Variants in BRCA1 observed in about 807,000 individuals in gnomAD.
BRCA1 encodes breast cancer type 1 susceptibility protein.
In BRCA1, 140 loss-of-function variants were observed where a neutral mutation model predicts 173.7. The ratio of observed to expected loss-of-function variants is 0.81; its 90% CI spans 0.70 to 0.93. The LOEUF (loss-of-function observed/expected upper bound fraction) is 0.93, where lower values mean the gene tolerates loss of function less well. Ranked by LOEUF, BRCA1 falls within the 40% of genes least tolerant of loss-of-function variation. The pLI, the probability that BRCA1 is intolerant of heterozygous loss-of-function variation, is 0.00. For synonymous variants in BRCA1, 662 were observed against 756.0 expected, an observed-to-expected ratio of 0.88 and a Z score of 2.04; for missense variants, 1,983 against 2,172.5, an observed-to-expected ratio of 0.91 and a Z score of 1.73.
intron 11 of BRCA1, among the ~76,000 whole-genome samples, chr17:43,084,654 C>T (rs1355022928): frequency 6.6e-6 from 1 of 152,146 alleles, no homozygotes; most frequent in African/African-American, 2.4e-5. Context: ...TCACAATTTT[C>T]AGGAGGTTTT....
rs1466721291 is a variant in BRCA1 at position 43,067,726 on chromosome 17, G to C, written c.4987-31C>G. On this transcript the variant is annotated intron_variant, in intron 15 of 22. Transcript: ENST00000357654. ...ATTAAATCAAATATTCCATTATCAT[G>C]AGTTACCTCTAGCACACAGCTCAGA... 1 of 1,540,108 alleles carries C rather than the reference G, an allele frequency of 6.5e-7. No individual in the cohort carries two copies. Among genetic ancestry groups the C allele is most frequent in the Non-Finnish European group, 9.0e-7 (1 of 1,113,992 alleles).
intron 3 of BRCA1, 134 bp downstream of exon 3, chr17:43,115,592 A>C: frequency 1.2e-6 from 1 of 839,154 alleles, no homozygotes; most frequent in Non-Finnish European, 1.9e-6. Flanking sequence ...TCTGAGAAAG[A>C]ATGAAATGGA....
chr17:43,127,270 G>A (rs1483949889), upstream of BRCA1, among the ~76,000 whole-genome samples: 3 of 152,262 alleles, frequency 2.0e-5, no homozygotes, highest in African/African-American at 7.2e-5. Flanking sequence ...TGAGTCAGAT[G>A]GGGACTTGGA....
chr17:43,102,633 G>A (rs1567808944), intron 6 of BRCA1, among the ~76,000 whole-genome samples: 1 of 151,648 alleles, frequency 6.6e-6, no homozygotes, highest in Non-Finnish European at 1.5e-5. Context: ...GGGATTGCAG[G>A]TGTTAGCCGC....
At chr17:43,050,587 T>C in intron 20 of BRCA1, among the ~76,000 whole-genome samples, 1 of 146,988 alleles carries the variant, frequency 6.8e-6, no homozygotes, top group East Asian at 2.0e-4. Context: ...CACTCTGGCC[T>C]GGGCAACAGA....
intron 14 of BRCA1, among the ~76,000 whole-genome samples, chr17:43,071,769 CGA>C (rs1431719829): frequency 2.8e-4 from 42 of 150,498 alleles, no homozygotes; most frequent in Non-Finnish European, 1.3e-4. Context: ...TTTGGGAGGC[CGA>C]GACGGGTGGA....
At chr17:43,128,039 A>G (rs2055929552), upstream of BRCA1, among the ~76,000 whole-genome samples, 1 of 150,102 alleles carries the variant, frequency 6.7e-6, no homozygotes, top group Admixed American at 6.6e-5. Context: ...AAAAAAAAAA[A>G]AAAAAAAAAA....
intron 2 of BRCA1, among the ~76,000 whole-genome samples, chr17:43,122,393 T>C (rs2055619034): frequency 1.3e-5 from 2 of 152,232 alleles, no homozygotes; most frequent in African/African-American, 2.4e-5. Flanking sequence ...AGTACCGTTC[T>C]AACTACTGAA....
chr17:43,076,736 A>G (rs1413700625), intron 12 of BRCA1, 122 bp from the exon 13 acceptor site: 11 of 1,170,724 alleles, frequency 9.4e-6, no homozygotes, highest in Non-Finnish European at 1.4e-5. Context: ...GTTTTTAAAC[A>G]AGTATATCAG....
rs773709174 is a variant in BRCA1 at position 43,091,542 on chromosome 17, C to T, written c.3989G>A (p.Ser1330Asn). Residue 1330 changes from serine (S) to asparagine (N), a missense_variant, in exon 10 of 23, where the codon AGC (serine) becomes AAC (asparagine). Physicochemically the swap from Ser to Asn is conservative, Grantham distance 46. Transcript: ENST00000357654. ...CTTGTCACTCAGACCAACTCCCTGGCTTTCAGACTGATGCCTCATTTGTTT... is the reference window on the plus strand; with the variant it reads ...CTTGTCACTCAGACCAACTCCCTGGTTTTCAGACTGATGCCTCATTTGTTT... ...SSKQMRHQSE[S>N]QGVGLSDKEL... 1 of 1,614,194 alleles carries T rather than the reference C, an allele frequency of 6.2e-7. No homozygotes were observed. The highest frequency in any genetic ancestry group is 1.1e-5 in the South Asian group (1 of 91,090).
rs1414091448 is a variant in BRCA1, at chr17:43,092,469, C to G, written c.3062G>C (p.Ser1021Thr). ...EREMGNENIP[S>T]TVSTISRNNI... is the part of the protein sequence containing the mutation. ...ATTACGGCTAATTGTGCTCACTGTA[C>G]TTGGAATGTTCTCATTTCCCATTTC... Residue 1021 changes from serine (S) to threonine (T), a missense_variant, in exon 10 of 23, where the codon AGT becomes ACT. Transcript: ENST00000357654. The G allele has an allele frequency of 6.2e-7, 1 of 1,613,944 alleles. No individual in the cohort carries two copies. The highest frequency in any genetic ancestry group is 1.1e-5 in the South Asian group (1 of 91,080).
At chr17:43,085,293 G>A (rs1231009896) in intron 11 of BRCA1, among the ~76,000 whole-genome samples, 3 of 152,060 alleles carry the variant, frequency 2.0e-5, no homozygotes, top group South Asian at 2.1e-4. Flanking sequence ...CCCAGGTGGC[G>A]GAAGTGCAGT....
chr17:43,165,867 T>A (rs1419838278), intron 1 of BRCA1: 1 of 151,608 alleles, frequency 6.6e-6, no homozygotes, highest in Admixed American at 6.6e-5. Flanking sequence ...TGAAAACCTT[T>A]AAAAAAAATT....
Position 43,093,235 on chromosome 17 carries a change from T to C in BRCA1, c.2296A>G (p.Ser766Gly), listed in dbSNP as rs398122655. The C allele has an allele frequency of 4.3e-6, 7 of 1,614,084 alleles. No individual in the cohort carries two copies. Among genetic ancestry groups the C allele is most frequent in the Non-Finnish European group, 5.9e-6 (7 of 1,179,982 alleles). ...RVLQTERSVE[S>G]SSISLVPGTD... is the part of the protein sequence containing the mutation. ...CCAGGTACCAATGAAATACTGCTAC[T>C]CTCTACAGATCTTTCAGTTTGCAAA... is the stretch of plus-strand genomic sequence containing the variant. Residue 766 changes from serine to glycine, a missense_variant, in exon 10 of 23, where the codon AGT (serine) becomes GGT (glycine). By Grantham distance (56) the Ser-to-Gly change is moderately conservative. Transcript: ENST00000357654.
At chr17:43,155,096 G>C (rs2056188363) in intron 1 of BRCA1, among the ~76,000 whole-genome samples, 2 of 152,184 alleles carry the variant, frequency 1.3e-5, no homozygotes, top group Non-Finnish European at 1.5e-5. Context: ...TAGGGAAAGA[G>C]CATCAGAGAG....
intron 2 of BRCA1, among the ~76,000 whole-genome samples, chr17:43,121,147 G>A (rs1483882593): frequency 6.6e-6 from 1 of 151,794 alleles, no homozygotes; most frequent in Non-Finnish European, 1.5e-5. Context: ...AGGCTGAGGC[G>A]GGTGGATCAC....
At chr17:43,100,593 TATTA>T (rs2054360871) in intron 6 of BRCA1, among the ~76,000 whole-genome samples, 1 of 97,384 alleles carries the variant, frequency 1.0e-5, no homozygotes, top group South Asian at 3.3e-4. Flanking sequence ...AACATATATA[TATTA>T]TATATATATA....
At chr17:43,049,100 G>A (rs754884276) in intron 21 of BRCA1, 21 bp downstream of exon 21, 2 of 1,610,006 alleles carry the variant, frequency 1.2e-6, no homozygotes, top group East Asian at 2.2e-5. Flanking sequence ...CTCCCTCTCT[G>A]ACAGGGCACC....
At chr17:43,052,456 A>T (rs2051281852) in intron 19 of BRCA1, among the ~76,000 whole-genome samples, 1 of 151,990 alleles carries the variant, frequency 6.6e-6, no homozygotes, top group African/African-American at 2.4e-5. Context: ...AATTTGTAAA[A>T]TTTAAATTTA....
Sources: allele counts gnomAD v4.1 joint callset (sites outside exome capture counted in the v4.1 genomes callset), GRCh38; gene constraint gnomAD v4.1.1; transcripts MANE v1.5; gene names NCBI Gene and HGNC (gene_info 2026-07-23, HGNC 2026-07-21).